The following PPP1R1B variants were observed in gnomAD, a reference collection of about 807,000 sequenced individuals.
The protein encoded by PPP1R1B is protein phosphatase 1 regulatory subunit 1B.
In PPP1R1B, 13 loss-of-function variants were observed where a neutral mutation model predicts 28.2. The observed-to-expected ratio is 0.46, with a 90% CI of 0.30 to 0.73. The LOEUF (loss-of-function observed/expected upper bound fraction) is 0.73, where lower values mean the gene tolerates loss of function less well. Among genes scored for constraint, PPP1R1B ranks in the 30% least tolerant of loss-of-function variants. The probability of loss-of-function intolerance (pLI) is 0.07; values close to 1 mark genes in which losing one functional copy is unlikely to be tolerated. For synonymous variants in PPP1R1B, 102 were observed against 97.5 expected, an observed-to-expected ratio of 1.05 and a Z score of -0.27; for missense variants, 236 against 256.7, an observed-to-expected ratio of 0.92 and a Z score of 0.55.
In PPP1R1B at chr17:39,627,327, C is replaced by A; in HGVS notation, c.-66C>A. ...ACAGCCCGCCGCCTGCGCGGGGGAG[C>A]CCAGCACAGACCGCCGCCGGGACCC... On this transcript the variant is annotated 5_prime_UTR_variant, in exon 1 of 7. Coordinates refer to ENST00000254079, the MANE Select transcript of PPP1R1B (RefSeq NM_032192.4). The A allele has an allele frequency of 8.5e-7, 1 of 1,171,400 alleles. No homozygotes were observed. The highest frequency in any genetic ancestry group is 1.2e-6 in the Non-Finnish European group (1 of 814,710). The allele number at this position is 1,171,400 out of a possible 1,614,324, so 72.6% of individuals were successfully genotyped here.
chr17:39,629,584 G>T, intron 3 of PPP1R1B, 22 bp downstream of exon 3: 1 of 1,613,418 alleles, frequency 6.2e-7, no homozygotes, highest in Non-Finnish European at 8.5e-7. Context: ...GGGGCAGCTG[G>T]AAGGAGGGAT....
intron 1 of PPP1R1B, among the ~76,000 whole-genome samples, 148 bp from the exon 2 acceptor site, chr17:39,629,014 GAGGGGGTT>G (rs1310482707): frequency 2.0e-5 from 3 of 152,200 alleles, no homozygotes; most frequent in African/African-American, 7.2e-5. Context: ...TCTGTAAAAT[GAGGGGGTT>G]AGGTGAGCTA....
chr17:39,627,775 C>T (rs1415069909), intron 1 of PPP1R1B, among the ~76,000 whole-genome samples: 3 of 152,078 alleles, frequency 2.0e-5, no homozygotes, highest in Non-Finnish European at 2.9e-5. Flanking sequence ...TGGGGGCGTC[C>T]TTTGGTCCCA....
chr17:39,634,100 C>G lies in PPP1R1B; in HGVS notation c.445+14C>G, dbSNP rs1262474130. The G allele has an allele frequency of 1.2e-6, 2 of 1,613,280 alleles. No homozygotes were observed. The highest frequency in any genetic ancestry group is 3.3e-5 in the Admixed American group (2 of 60,022). ...TCAGGCAGTCTGGTAAGCTGAGGGG[C>G]CTGTGACATGTGGATTAGCTGTGGG... is the stretch of plus-strand genomic sequence containing the variant. On this transcript the variant is annotated intron_variant, in intron 5 of 6. Transcript: ENST00000254079.
chr17:39,635,269 G>A (rs548189262), intron 5 of PPP1R1B, among the ~76,000 whole-genome samples: 1 of 152,230 alleles, frequency 6.6e-6, no homozygotes, highest in South Asian at 2.1e-4. Context: ...AGGGCACCGG[G>A]TCAAATGATA....
Position 39,629,629 on chromosome 17 carries a change from T to A in PPP1R1B, c.165+67T>A. The A allele has an allele frequency of 1.3e-6, 2 of 1,563,988 alleles. 1 individual carries two copies. On this transcript the variant is annotated intron_variant, in intron 3 of 6. Coordinates refer to ENST00000254079, the MANE Select transcript of PPP1R1B (RefSeq NM_032192.4). Reference sequence around the variant, plus strand: ...CCTTGGGGTGGGGTGGACGGGTGCCTGCAGTGACAACCAACCAGTATGGGG... The same window carrying A: ...CCTTGGGGTGGGGTGGACGGGTGCCAGCAGTGACAACCAACCAGTATGGGG...
At chr17:39,627,752 C>T (rs752008308) in intron 1 of PPP1R1B, among the ~76,000 whole-genome samples, 1 of 151,632 alleles carries the variant, frequency 6.6e-6, no homozygotes, top group Admixed American at 6.6e-5. Context: ...TTCCAGACCG[C>T]CCAGGAGTGG....
rs1371861232 is a variant in PPP1R1B at position 39,627,421 on chromosome 17, A to C, written c.29A>C (p.Gln10Pro). The change falls in exon 1 of 7, where the codon CAG becomes CCG. Residue 10 changes from glutamine (Q) to proline (P), a missense_variant. Transcript: ENST00000254079. Reference sequence around the variant, plus strand: ...GACCCCAAGGACCGCAAGAAGATCCAGTTCTCGGTGCCCGCGCCCCCTAGC... The same window carrying C: ...GACCCCAAGGACCGCAAGAAGATCCCGTTCTCGGTGCCCGCGCCCCCTAGC... MDPKDRKKI[Q>P]FSVPAPPSQL... 2 of 1,603,080 alleles carry C rather than the reference A, an allele frequency of 1.2e-6. No individual in the cohort carries two copies. The highest frequency in any genetic ancestry group is 4.5e-5 in the East Asian group (2 of 44,062).
chr17:39,634,019 G>T lies in PPP1R1B; in HGVS notation c.378G>T (p.Glu126Asp), dbSNP rs144685420. The T allele has an allele frequency of 6.9e-5, 112 of 1,613,920 alleles. No homozygotes were observed. Among genetic ancestry groups the T allele is most frequent in the Middle Eastern group, 6.6e-4 (4 of 6,062 alleles). ...GAGAGGAAGATGAGGAGGAAGAGGA[G>T]GATGATGAAGAAGAGGAAGAAGAAG... ...YPREEDEEEE[E>D]DDEEEEEEED... The change falls in exon 5 of 7, where the codon GAG (glutamate) becomes GAT (aspartate). Residue 126 changes from glutamate (E) to aspartate (D), a missense_variant. Coordinates refer to ENST00000254079, the MANE Select transcript of PPP1R1B (RefSeq NM_032192.4).
At chr17:39,633,862 C>T in intron 4 of PPP1R1B, 21 bp from the exon 5 acceptor site, 2 of 1,612,592 alleles carry the variant, frequency 1.2e-6, no homozygotes, top group Non-Finnish European at 8.5e-7. Flanking sequence ...CCCTTGCTTT[C>T]CTCGGTCTCC....
At chr17:39,627,569 G>GCA in intron 1 of PPP1R1B, 96 bp downstream of exon 1, 1 of 773,916 alleles carries the variant, frequency 1.3e-6, no homozygotes, top group Non-Finnish European at 2.0e-6. Flanking sequence ...ACTGGCCTGG[G>GCA]GGTGGGGGCG....
intron 4 of PPP1R1B, 138 bp downstream of exon 4, chr17:39,630,185 T>C (rs1342104081): frequency 2.6e-6 from 2 of 776,176 alleles, no homozygotes; most frequent in Non-Finnish European, 4.2e-6. Context: ...CAACCCAACG[T>C]AAAGACCAAT....
At position 39,633,993 on chromosome 17, in the gene PPP1R1B, A is replaced by C. The variant is rs1382739766; in HGVS notation, c.352A>C (p.Arg118=). 1.9e-6 allele frequency: 3 copies of C among 1,613,956 alleles called. No homozygotes were observed. The Admixed American group carries it at 5.0e-5, about 27-fold the overall frequency. The change falls in exon 5 of 7, where the codon AGA becomes CGA. Residue 118 remains arginine, a synonymous_variant. Transcript: ENST00000254079. ...LGELRELGYP[R]EEDEEEEEDD... The stretch of plus-strand genomic sequence containing the variant: ...GGAGCTTCGGGAGCTGGGTTATCCA[A>C]GAGAGGAAGATGAGGAGGAAGAGGA...
In PPP1R1B at chr17:39,627,212, C is replaced by G. The variant is rs915539809; in HGVS notation, c.-181C>G. 6.0e-6 allele frequency: 3 copies of G among 502,938 alleles called. No individual in the cohort carries two copies. Among genetic ancestry groups the G allele is most frequent in the Non-Finnish European group, 1.0e-5 (3 of 290,296 alleles). 31.2% of individuals were successfully genotyped at this position (502,938 alleles called of 1,614,324 possible). On this transcript the variant is annotated 5_prime_UTR_variant, in exon 1 of 7. Coordinates refer to ENST00000254079, the MANE Select transcript of PPP1R1B (RefSeq NM_032192.4). ...AGCCTGGGGGCGCGCCCAGCCCGGG[C>G]GCCGACCCTCCTCCCGCTCCCGCGC...
intron 4 of PPP1R1B, 114 bp from the exon 5 acceptor site, chr17:39,633,769 T>A: frequency 6.5e-7 from 1 of 1,544,258 alleles, no homozygotes; most frequent in Non-Finnish European, 8.7e-7. Flanking sequence ...CCTGAGGGGG[T>A]ATTCTCTGCC....
chr17:39,634,750 C>G (rs2056904761), intron 5 of PPP1R1B, among the ~76,000 whole-genome samples: 1 of 152,278 alleles, frequency 6.6e-6, no homozygotes, highest in African/African-American at 2.4e-5. Flanking sequence ...GCCTGCATAT[C>G]TGGCAGTGAA....
intron 1 of PPP1R1B, among the ~76,000 whole-genome samples, chr17:39,628,322 G>A (rs1193491926): frequency 6.6e-6 from 1 of 151,990 alleles, no homozygotes; most frequent in African/African-American, 2.4e-5. Context: ...GTGTCATGGG[G>A]AGCTTGGCTG....
Position 39,634,087 on chromosome 17 carries a change from G to C in PPP1R1B, c.445+1G>C, listed in dbSNP as rs112745091. On this transcript the variant is annotated splice_donor_variant, in intron 5 of 6. Coordinates refer to ENST00000254079, the MANE Select transcript of PPP1R1B (RefSeq NM_032192.4). LOFTEE classifies it high-confidence loss of function. ...GTCCTGAAGGTCATCAGGCAGTCTG[G>C]TAAGCTGAGGGGCCTGTGACATGTG... is the stretch of plus-strand genomic sequence containing the variant. 1 of 1,613,638 alleles carries C rather than the reference G, an allele frequency of 6.2e-7. No individual in the cohort carries two copies. The highest frequency in any genetic ancestry group is 1.1e-5 in the South Asian group (1 of 91,066).
Position 39,627,396 on chromosome 17 carries a change from G to A in PPP1R1B, c.4G>A (p.Asp2Asn). The change falls in exon 1 of 7, where the codon GAC (aspartate) becomes AAC (asparagine). Residue 2 changes from aspartate to asparagine, a missense_variant. Coordinates refer to ENST00000254079, the MANE Select transcript of PPP1R1B (RefSeq NM_032192.4). ...CCCACCGCCCACCCCGCGCGCCATG[G>A]ACCCCAAGGACCGCAAGAAGATCCA... M[D>N]PKDRKKIQFS... is the part of the protein sequence containing the mutation. 6.2e-7 allele frequency: 1 copy of A among 1,600,866 alleles called. No individual in the cohort carries two copies. Among genetic ancestry groups the A allele is most frequent in the Non-Finnish European group, 8.5e-7 (1 of 1,175,242 alleles).
Sources: allele counts gnomAD v4.1 joint callset (sites outside exome capture counted in the v4.1 genomes callset), GRCh38; gene constraint gnomAD v4.1.1; transcripts MANE v1.5; gene names NCBI Gene and HGNC (gene_info 2026-07-23, HGNC 2026-07-21).